Variants in PHC2 observed in about 807,000 individuals in gnomAD.
PHC2 encodes polyhomeotic homolog 2.
In PHC2, 29 loss-of-function variants were observed where a neutral mutation model predicts 87.4. The observed-to-expected ratio is 0.33, with a 90% CI of 0.25 to 0.45. The LOEUF (loss-of-function observed/expected upper bound fraction) is 0.45. PHC2 is among the 20% of genes least tolerant of loss of function. The pLI, the probability that PHC2 is intolerant of heterozygous loss-of-function variation, is 1.00. For missense variants in PHC2, 857 were observed against 1,136.7 expected (o/e 0.75, Z 3.54); for synonymous variants, 438 against 461.7 (o/e 0.95, Z 0.66).
At chr1:33,360,064 T>C (rs1647166095) in intron 7 of PHC2, among the ~76,000 whole-genome samples, 1 of 152,234 alleles carries the variant, frequency 6.6e-6, no homozygotes, top group Non-Finnish European at 1.5e-5. Flanking sequence ...GGAAGCTCCT[T>C]TTAGAAAACC....
chr1:33,334,298 C>G lies in PHC2; in HGVS notation c.1559-6G>C, dbSNP rs112519810. 8.7e-6 allele frequency: 14 copies of G among 1,611,452 alleles called. No homozygotes were observed. Among genetic ancestry groups the G allele is most frequent in the Non-Finnish European group, 1.0e-5 (12 of 1,178,424 alleles). On this transcript the variant is annotated splice_polypyrimidine_tract_variant and splice_region_variant and intron_variant, in intron 9 of 14. Coordinates refer to ENST00000683057, the MANE Select transcript of PHC2 (RefSeq NM_001385109.1). The surrounding 1 kb of genome is among the most constrained non-coding windows in gnomAD (Gnocchi z 5.5). Reference sequence around the variant, plus strand: ...AACAATGCCCTGCCCTGTCTCTGCACGAGAGAGAGTAGGAAAACAAAGCAG... The same window carrying G: ...AACAATGCCCTGCCCTGTCTCTGCAGGAGAGAGAGTAGGAAAACAAAGCAG...
At chr1:33,337,535 G>C (rs1188360346) in intron 9 of PHC2, among the ~76,000 whole-genome samples, 1 of 152,146 alleles carries the variant, frequency 6.6e-6, no homozygotes, top group South Asian at 2.1e-4. Context: ...CCCTCTCTAA[G>C]CCTCAGCTTC....
intron 1 of PHC2, among the ~76,000 whole-genome samples, chr1:33,410,853 T>G (rs1649954683): frequency 6.6e-6 from 1 of 152,136 alleles, no homozygotes; most frequent in African/African-American, 2.4e-5. Flanking sequence ...AAATACTCAG[T>G]AACAAACAAC....
chr1:33,338,512 T>A (rs1378547573), intron 9 of PHC2, among the ~76,000 whole-genome samples: 1 of 152,172 alleles, frequency 6.6e-6, no homozygotes, highest in Non-Finnish European at 1.5e-5. Context: ...ACAAAGGAGT[T>A]TGGGCTATTC....
rs919113322 is a variant in PHC2, at chr1:33,368,887, G to A, written c.577-265C>T. Among the ~76,000 whole-genome samples, 12 of 152,136 alleles carry A rather than the reference G, an allele frequency of 7.9e-5. No homozygotes were observed. The highest frequency in any genetic ancestry group is 2.1e-4 in the South Asian group (1 of 4,826). ...CCAGGCTGGGTGCAGGGGTGGGTGG[G>A]GAGAGCCGCTCTGGGGCTACACCAA... On this transcript the variant is annotated intron_variant, in intron 5 of 14. Coordinates refer to ENST00000683057, the MANE Select transcript of PHC2 (RefSeq NM_001385109.1). The surrounding 1 kb of genome is among the most constrained non-coding windows in gnomAD (Gnocchi z 6.6).
intron 1 of PHC2, among the ~76,000 whole-genome samples, chr1:33,410,272 T>C (rs1234333952): frequency 1.3e-5 from 2 of 152,224 alleles, no homozygotes; most frequent in African/African-American, 4.8e-5. Flanking sequence ...TCAGCTGGCT[T>C]TGCTGCTTTT....
chr1:33,391,274 G>A (rs1361552797), intron 1 of PHC2, among the ~76,000 whole-genome samples: 1 of 152,182 alleles, frequency 6.6e-6, no homozygotes, highest in Non-Finnish European at 1.5e-5. Flanking sequence ...CAGAGATTGT[G>A]CTCTATTTTA....
In PHC2 at chr1:33,347,336, T is replaced by C. The variant is rs1458452984; in HGVS notation, c.1558+7065A>G. ...GCAGAAACAATGGCTGATGAGATGA[T>C]GAGACCCACAGCCAGGAGAATGATG... On this transcript the variant is annotated intron_variant, in intron 9 of 14. Coordinates refer to ENST00000683057, the MANE Select transcript of PHC2 (RefSeq NM_001385109.1). 3.0e-6 allele frequency: 3 copies of C among 985,278 alleles called. No individual in the cohort carries two copies. In the African/African-American group the frequency reaches 5.2e-5, roughly 17 times the overall value. 61.0% of individuals were successfully genotyped at this position (985,278 alleles called of 1,614,324 possible).
At position 33,368,606 on chromosome 1, in the gene PHC2, G is replaced by C; in HGVS notation, c.593C>G (p.Thr198Arg). 1 of 1,551,018 alleles carries C rather than the reference G, an allele frequency of 6.4e-7. No individual in the cohort carries two copies. The highest frequency in any genetic ancestry group is 8.7e-7 in the Non-Finnish European group (1 of 1,146,558). ...LRAQMLIFTP[T>R]ATVATVQPEL... ...AGGCTGCACAGTAGCGACGGTGGCC[G>C]TGGGCGTGAAGATGAGCTGAGGGGA... Residue 198 changes from threonine (T) to arginine (R), a missense_variant, in exon 6 of 15, where the codon ACG becomes AGG. Coordinates refer to ENST00000683057, the MANE Select transcript of PHC2 (RefSeq NM_001385109.1). This position sits in a 1 kb window ranked among gnomAD's most constrained non-coding sequence, Gnocchi z 6.6.
intron 12 of PHC2, 48 bp from the exon 13 acceptor site, chr1:33,330,260 T>C (rs977787341): frequency 3.1e-6 from 5 of 1,603,972 alleles, no homozygotes; most frequent in Non-Finnish European, 4.3e-6. Context: ...ATTGTGCTTA[T>C]GGGCCGTAGG....
At chr1:33,406,875 TTTCC>T (rs1649785330) in intron 1 of PHC2, among the ~76,000 whole-genome samples, 1 of 115,180 alleles carries the variant, frequency 8.7e-6, no homozygotes, top group African/African-American at 5.5e-5. Context: ...CAAAACTCTC[TTTCC>T]TTATCTTCTG....
intron 1 of PHC2, among the ~76,000 whole-genome samples, chr1:33,425,326 T>C (rs1426542191): frequency 6.6e-6 from 1 of 152,226 alleles, no homozygotes; most frequent in Admixed American, 6.5e-5. Flanking sequence ...TATATGAGCC[T>C]ATCACAGGAA....
intron 9 of PHC2, among the ~76,000 whole-genome samples, chr1:33,339,805 G>T (rs1421472868): frequency 1.3e-5 from 2 of 152,138 alleles, no homozygotes; most frequent in Non-Finnish European, 2.9e-5. Flanking sequence ...TTTTAATTTT[G>T]GATTTTTTCA....
Position 33,349,383 on chromosome 1 carries a change from G to T in PHC2, c.1558+5018C>A. 2.0e-6 allele frequency: 2 copies of T among 985,390 alleles called. No homozygotes were observed. The highest frequency in any genetic ancestry group is 9.4e-5 in the South Asian group (2 of 21,290). The allele number at this position is 985,390 out of a possible 1,614,324, so 61.0% of individuals were successfully genotyped here. A position where few individuals can be genotyped will look rare whatever the true frequency, so the allele number is the denominator to read the frequency against. On this transcript the variant is annotated intron_variant, in intron 9 of 14. Coordinates refer to ENST00000683057, the MANE Select transcript of PHC2 (RefSeq NM_001385109.1). The surrounding 1 kb of genome is among the most constrained non-coding windows in gnomAD (Gnocchi z 4.2). ...CGCGCCGAGGTGACACGGCTTCCAG[G>T]GGCGACGGGCGCGCAGGGTCCCCAG...
intron 1 of PHC2, among the ~76,000 whole-genome samples, chr1:33,421,195 A>G (rs907363371): frequency 2.0e-5 from 3 of 152,152 alleles, no homozygotes; most frequent in African/African-American, 7.2e-5. Flanking sequence ...CTCATGGGGG[A>G]AAGGCACCCA....
Position 33,375,348 on chromosome 1 carries a change from G to A in PHC2, c.174+18C>T, listed in dbSNP as rs192156096. ...AGATGATTAAGGAGTATAATTCCCA[G>A]ATCAATTAGACTCTTACCTGCACGG... On this transcript the variant is annotated intron_variant, in intron 2 of 14. Coordinates refer to ENST00000683057, the MANE Select transcript of PHC2 (RefSeq NM_001385109.1). 2.6e-6 allele frequency: 4 copies of A among 1,518,362 alleles called. No homozygotes were observed. Among genetic ancestry groups the A allele is most frequent in the Non-Finnish European group, 3.6e-6 (4 of 1,126,222 alleles). The allele number at this position is 1,518,362 out of a possible 1,614,324, so 94.1% of individuals were successfully genotyped here.
rs1647419030 is a variant in PHC2, at chr1:33,365,863, C to A, written c.976+1253G>T. On this transcript the variant is annotated intron_variant, in intron 7 of 14. Transcript: ENST00000683057. ...GCTTTGCTTTTCTCTGCCTGGGAAC[C>A]TTCCCCACTCTGTCTGTCAGGTCAC... Among the ~76,000 whole-genome samples, 4 of 139,758 alleles carry A rather than the reference C, an allele frequency of 2.9e-5. No homozygotes were observed. In the South Asian group the frequency reaches 8.4e-4, roughly 30 times the overall value. 91.7% of individuals were successfully genotyped at this position (139,758 alleles called of 152,430 possible). A position where few individuals can be genotyped will look rare whatever the true frequency, so the allele number is the denominator to read the frequency against.
At chr1:33,330,278 A>G (rs1344876288) in intron 12 of PHC2, 66 bp from the exon 13 acceptor site, 18 of 1,559,586 alleles carry the variant, frequency 1.2e-5, no homozygotes, top group Non-Finnish European at 1.6e-5. Flanking sequence ...AGGCAGAATG[A>G]GCACAGCCAA....
chr1:33,399,304 G>C (rs575044730), intron 1 of PHC2, among the ~76,000 whole-genome samples: 2 of 152,032 alleles, frequency 1.3e-5, no homozygotes, highest in Non-Finnish European at 2.9e-5. Flanking sequence ...CCCTACAAAA[G>C]GTGCTGGAAG....
Sources: allele counts gnomAD v4.1 joint callset (sites outside exome capture counted in the v4.1 genomes callset), GRCh38; gene constraint gnomAD v4.1.1; non-coding constraint Gnocchi (gnomAD v3.1); transcripts MANE v1.5; gene names NCBI Gene and HGNC (gene_info 2026-07-23, HGNC 2026-07-21).